KCNH8: variants seen among roughly 807,000 people sequenced by gnomAD.
KCNH8 encodes voltage-gated delayed rectifier potassium channel KCNH8.
Under a neutral mutation model 103.6 loss-of-function variants are expected in KCNH8, and 70 were observed. That is an observed-to-expected ratio of 0.68 (90% CI 0.56 to 0.82). The LOEUF is 0.82. Ranked by LOEUF, KCNH8 falls within the 40% of genes least tolerant of loss-of-function variation. The probability of loss-of-function intolerance (pLI) is 0.00; values close to 1 mark genes in which losing one functional copy is unlikely to be tolerated. For synonymous variants in KCNH8, 498 were observed against 489.4 expected, an observed-to-expected ratio of 1.02 and a Z score of -0.23; for missense variants, 1,217 against 1,329.9, an observed-to-expected ratio of 0.92 and a Z score of 1.32.
chr3:19,311,417 A>G (rs1414576807), intron 3 of KCNH8, among the ~76,000 whole-genome samples: 1 of 151,664 alleles, frequency 6.6e-6, no homozygotes, highest in African/African-American at 2.4e-5. Flanking sequence ...TTGCAGAGCT[A>G]TTAACTACTA....
At chr3:19,300,019 C>T (rs776702894) in intron 3 of KCNH8, among the ~76,000 whole-genome samples, 5 of 152,050 alleles carry the variant, frequency 3.3e-5, no homozygotes, top group South Asian at 4.1e-4. Flanking sequence ...GTGGCCAAGG[C>T]GGGTGGATCA....
In KCNH8 at chr3:19,352,484, T is replaced by G. The variant is rs1038308412; in HGVS notation, c.811+4519T>G. ...CCAAAATTGACCACATAGTTGGAAG[T>G]AAAGCACTCCTCAGCAAATGCAAAA... On this transcript the variant is annotated intron_variant, in intron 5 of 15. Coordinates refer to ENST00000328405, the MANE Select transcript of KCNH8 (RefSeq NM_144633.3). Among the ~76,000 whole-genome samples the G allele has an allele frequency of 4.6e-5, 7 of 152,260 alleles. 1 individual carries two copies. Among genetic ancestry groups the G allele is most frequent in the Middle Eastern group, 6.8e-3 (2 of 294 alleles).
At chr3:19,481,253 G>A (rs901461520) in intron 11 of KCNH8, among the ~76,000 whole-genome samples, 4 of 152,034 alleles carry the variant, frequency 2.6e-5, no homozygotes, top group Non-Finnish European at 4.4e-5. Flanking sequence ...TGCTTTTAAT[G>A]TATTTATCAC....
chr3:19,522,442 C>G (rs144543152), intron 15 of KCNH8, among the ~76,000 whole-genome samples: 1 of 151,882 alleles, frequency 6.6e-6, no homozygotes, highest in African/African-American at 2.4e-5. Context: ...CTCAAACAGT[C>G]AGGCAGGAGG....
At chr3:19,484,873 C>T (rs1437731903) in intron 11 of KCNH8, among the ~76,000 whole-genome samples, 1 of 152,010 alleles carries the variant, frequency 6.6e-6, no homozygotes, top group African/African-American at 2.4e-5. Context: ...CGGGGAGTGC[C>T]TGGAAGTCTC....
At chr3:19,396,193 A>G (rs773610995) in intron 7 of KCNH8, among the ~76,000 whole-genome samples, 6 of 152,050 alleles carry the variant, frequency 3.9e-5, no homozygotes, top group Non-Finnish European at 7.4e-5. Context: ...ATCAAAAATC[A>G]ATCTTGAACT....
rs2068257584 is a variant in KCNH8, at chr3:19,488,538, G to A, written c.2041-21825G>A. Among the ~76,000 whole-genome samples, 11 of 152,320 alleles carry A rather than the reference G, an allele frequency of 7.2e-5. No individual in the cohort carries two copies. In the South Asian group the frequency reaches 2.3e-3, roughly 32 times the overall value. On this transcript the variant is annotated intron_variant, in intron 11 of 15. Transcript: ENST00000328405. ...TTTTCAGGGCTATTTGGATCAAAAGGAGTGTACATACGGTAAGCCTCACAC... is the reference window on the plus strand; with the variant it reads ...TTTTCAGGGCTATTTGGATCAAAAGAAGTGTACATACGGTAAGCCTCACAC...
intron 1 of KCNH8, among the ~76,000 whole-genome samples, chr3:19,184,049 C>T (rs942438111): frequency 2.3e-4 from 35 of 152,076 alleles, no homozygotes; most frequent in South Asian, 2.1e-4. Context: ...TGAACATAAG[C>T]ATGCTCTTTG....
intron 7 of KCNH8, among the ~76,000 whole-genome samples, chr3:19,435,797 T>A (rs146139678): frequency 3.8e-4 from 58 of 152,312 alleles, no homozygotes; most frequent in African/African-American, 1.4e-3. Flanking sequence ...ATTAAATAAC[T>A]TGCTCGCATT....
At chr3:19,446,713 G>A (rs2067367950) in intron 8 of KCNH8, among the ~76,000 whole-genome samples, 1 of 151,656 alleles carries the variant, frequency 6.6e-6, no homozygotes, top group African/African-American at 2.4e-5. Flanking sequence ...CAAAATAGTT[G>A]GCTAAAGTAA....
intron 15 of KCNH8, among the ~76,000 whole-genome samples, chr3:19,531,435 C>A (rs2069159291): frequency 6.6e-6 from 1 of 152,124 alleles, no homozygotes; most frequent in Non-Finnish European, 1.5e-5. Context: ...TTCTCATATT[C>A]ATTGTTTCAG....
chr3:19,188,131 A>G (rs979314807), intron 1 of KCNH8, among the ~76,000 whole-genome samples: 1 of 152,026 alleles, frequency 6.6e-6, no homozygotes, highest in East Asian at 1.9e-4. Context: ...CATATTGTCT[A>G]TGGATTCCCA....
chr3:19,174,986 A>C (rs966636987), intron 1 of KCNH8, among the ~76,000 whole-genome samples: 10 of 152,154 alleles, frequency 6.6e-5, no homozygotes, highest in African/African-American at 1.9e-4. Context: ...TTGACCAATT[A>C]GTCAGAATAT....
chr3:19,148,568 C>A lies in KCNH8; in HGVS notation c.-152C>A. On this transcript the variant is annotated 5_prime_UTR_variant, in exon 1 of 16. Transcript: ENST00000328405. ...GCTGGAACTCTCTCCCTTTCTCCCT[C>A]CATCCTTCCACTTCCCCTGCTCGGC... The A allele has an allele frequency of 1.4e-6, 1 of 721,548 alleles. No individual in the cohort carries two copies. The highest frequency in any genetic ancestry group is 1.7e-5 in the African/African-American group (1 of 57,514). 44.7% of individuals were successfully genotyped at this position (721,548 alleles called of 1,614,324 possible).
chr3:19,462,857 G>C (rs111248186), intron 11 of KCNH8, among the ~76,000 whole-genome samples: 54 of 152,094 alleles, frequency 3.6e-4, no homozygotes, highest in African/African-American at 1.3e-3. Flanking sequence ...CATATGGCTA[G>C]CCAGTTTTCC....
chr3:19,454,419 GA>G (rs1229974897), intron 10 of KCNH8, among the ~76,000 whole-genome samples: 1 of 152,006 alleles, frequency 6.6e-6, no homozygotes, highest in African/African-American at 2.4e-5. Context: ...CTGTTTTTAA[GA>G]GGGCATCTAG....
At chr3:19,357,438 G>A (rs1202655751) in intron 5 of KCNH8, among the ~76,000 whole-genome samples, 3 of 151,680 alleles carry the variant, frequency 2.0e-5, no homozygotes, top group East Asian at 3.9e-4. Flanking sequence ...TGGAGCCACT[G>A]TTAACTGAGT....
intron 1 of KCNH8, among the ~76,000 whole-genome samples, chr3:19,225,438 T>G (rs1309560260): frequency 6.6e-6 from 1 of 152,164 alleles, no homozygotes; most frequent in Non-Finnish European, 1.5e-5. Flanking sequence ...TATTGGGCTA[T>G]TCAAGGTCAA....
At chr3:19,459,970 C>G (rs2067595902) in intron 11 of KCNH8, among the ~76,000 whole-genome samples, 1 of 152,094 alleles carries the variant, frequency 6.6e-6, no homozygotes. Flanking sequence ...CTCTCTCTCT[C>G]TCTCTGTCAT....
Sources: gnomAD v4.1 joint callset for allele counts (sites outside exome capture counted in the v4.1 genomes callset) on GRCh38, gnomAD v4.1.1 for gene constraint, MANE v1.5 for transcripts, NCBI Gene and HGNC (gene_info 2026-07-23, HGNC 2026-07-21) for gene names.